ADRA1B: variants seen among roughly 807,000 people sequenced by gnomAD.
The protein encoded by ADRA1B is adrenoceptor alpha 1B, also known as alpha-1B adrenergic receptor.
A neutral mutation model predicts 17.9 loss-of-function variants in ADRA1B; 17 were observed. The ratio of observed to expected loss-of-function variants is 0.95; its 90% CI spans 0.65 to 1.42. The LOEUF (loss-of-function observed/expected upper bound fraction) is 1.42, where lower values mean the gene tolerates loss of function less well. ADRA1B is among the 40% of genes most tolerant of loss of function. ADRA1B has a pLI of 0.00. For missense variants in ADRA1B, 681 were observed against 722.1 expected, an observed-to-expected ratio of 0.94 and a Z score of 0.65; for synonymous variants, 366 against 327.6, an observed-to-expected ratio of 1.12 and a Z score of -1.27.
At chr5:159,899,283 G>GAAGGAAGGAAGGAAGGAAGA (rs1561585320) in intron 1 of ADRA1B, among the ~76,000 whole-genome samples, 7 of 145,418 alleles carry the variant, frequency 4.8e-5, no homozygotes, top group African/African-American at 1.8e-4. Context: ...AGGAAGGAAG[G>GAAGGAAGGAAGGAAGGAAGA]AAGGAAGGAA....
chr5:159,904,407 T>C (rs768499563), intron 1 of ADRA1B, among the ~76,000 whole-genome samples: 2 of 152,240 alleles, frequency 1.3e-5, no homozygotes, highest in Non-Finnish European at 2.9e-5. Flanking sequence ...GGAGACCTGC[T>C]TTAATTCAAG....
At chr5:159,949,441 C>T (rs1755364138) in intron 1 of ADRA1B, among the ~76,000 whole-genome samples, 1 of 152,198 alleles carries the variant, frequency 6.6e-6, no homozygotes, top group Non-Finnish European at 1.5e-5. Flanking sequence ...AGAAAATGTA[C>T]ATATGCACAT....
chr5:159,951,185 T>C, intron 1 of ADRA1B: 3 of 764,806 alleles, frequency 3.9e-6, no homozygotes, highest in Non-Finnish European at 7.1e-6. Flanking sequence ...CCCAGCCTTC[T>C]CCATGGTGAA....
intron 1 of ADRA1B, among the ~76,000 whole-genome samples, chr5:159,903,889 C>T (rs1754128752): frequency 6.6e-6 from 1 of 152,062 alleles, no homozygotes; most frequent in South Asian, 2.1e-4. Flanking sequence ...GCACAGCTTC[C>T]GTTACAAAGG....
intron 1 of ADRA1B, among the ~76,000 whole-genome samples, chr5:159,895,079 A>C (rs1389203649): frequency 2.0e-5 from 3 of 152,248 alleles, no homozygotes; most frequent in Non-Finnish European, 2.9e-5. Flanking sequence ...AAAAATACAC[A>C]GCTCTTCAAT....
chr5:159,963,890 T>C (rs900243313), intron 1 of ADRA1B, among the ~76,000 whole-genome samples: 5 of 152,334 alleles, frequency 3.3e-5, no homozygotes, highest in African/African-American at 9.6e-5. Context: ...TCTCAGTCCC[T>C]CTAAATCGCC....
intron 1 of ADRA1B, among the ~76,000 whole-genome samples, chr5:159,896,798 A>C (rs748448324): frequency 2.0e-5 from 3 of 152,186 alleles, no homozygotes; most frequent in Non-Finnish European, 4.4e-5. Flanking sequence ...GGGGGAAAAC[A>C]AATCCTATTT....
chr5:159,917,692 G>T lies in ADRA1B; in HGVS notation c.787G>T (p.Asp263Tyr). The part of the protein sequence containing the change: ...LRIHSKNFHE[D>Y]TLSSTKAKGH... The stretch of plus-strand genomic sequence containing the variant: ...GATCCATTCCAAGAACTTTCACGAG[G>T]ACACCCTTAGCAGTACCAAGGCCAA... Residue 263 changes from aspartate (D) to tyrosine (Y), a missense_variant, in exon 1 of 2, where the codon GAC becomes TAC. Around this residue, in one of 3 missense-constraint regions of ADRA1B, gnomAD observed 424 missense variants for 480.2 expected, o/e 0.88. Coordinates refer to ENST00000306675, the MANE Select transcript of ADRA1B (RefSeq NM_000679.4). 1.2e-6 allele frequency: 2 copies of T among 1,613,972 alleles called. No individual in the cohort carries two copies. Among genetic ancestry groups the T allele is most frequent in the Non-Finnish European group, 1.7e-6 (2 of 1,179,998 alleles).
chr5:159,875,979 A>G (rs1753797858), intron 1 of ADRA1B, among the ~76,000 whole-genome samples: 1 of 152,202 alleles, frequency 6.6e-6, no homozygotes, highest in Non-Finnish European at 1.5e-5. Context: ...ACTTGAGGTC[A>G]GGAGTTCGTG....
intron 1 of ADRA1B, among the ~76,000 whole-genome samples, chr5:159,879,937 A>G (rs1207449406): frequency 6.6e-6 from 1 of 152,172 alleles, no homozygotes. Flanking sequence ...AGGAGGTTGC[A>G]GTGAACTGAG....
intron 1 of ADRA1B, among the ~76,000 whole-genome samples, chr5:159,962,288 G>A (rs1323913887): frequency 6.6e-6 from 1 of 152,154 alleles, no homozygotes; most frequent in African/African-American, 2.4e-5. Flanking sequence ...GGCACATCAG[G>A]AACTAACGAG....
chr5:159,958,843 T>A (rs1755614001), intron 1 of ADRA1B, among the ~76,000 whole-genome samples: 2 of 152,216 alleles, frequency 1.3e-5, no homozygotes, highest in African/African-American at 4.8e-5. Context: ...GCTCAGTTTC[T>A]AAAAGTGTTC....
At chr5:159,918,553 C>T (rs1329359861) in intron 1 of ADRA1B, among the ~76,000 whole-genome samples, 1 of 152,220 alleles carries the variant, frequency 6.6e-6, no homozygotes, top group Non-Finnish European at 1.5e-5. Context: ...ATGTTTCTAA[C>T]TCTAGTGATT....
At chr5:159,968,652 C>T (rs1480912268) in intron 1 of ADRA1B, among the ~76,000 whole-genome samples, 2 of 152,258 alleles carry the variant, frequency 1.3e-5, no homozygotes, top group African/African-American at 4.8e-5. Flanking sequence ...CCTGTGTGTC[C>T]TCATGCAAAG....
chr5:159,906,122 TG>T (rs1437158689), intron 1 of ADRA1B, among the ~76,000 whole-genome samples: 1 of 152,200 alleles, frequency 6.6e-6, no homozygotes, highest in Non-Finnish European at 1.5e-5. Context: ...TACAAAGTGC[TG>T]GGATTACAGG....
At chr5:159,898,466 C>T (rs1275835276) in intron 1 of ADRA1B, among the ~76,000 whole-genome samples, 2 of 152,132 alleles carry the variant, frequency 1.3e-5, no homozygotes, top group Non-Finnish European at 2.9e-5. Context: ...CAATACTCAG[C>T]AGTTTATATC....
At chr5:159,947,518 G>T (rs938250141) in intron 1 of ADRA1B, among the ~76,000 whole-genome samples, 4 of 151,902 alleles carry the variant, frequency 2.6e-5, no homozygotes, top group African/African-American at 9.7e-5. Flanking sequence ...CATTTGATCT[G>T]CATGAAATAG....
chr5:159,947,845 A>C, intron 1 of ADRA1B: 3 of 985,460 alleles, frequency 3.0e-6, no homozygotes, highest in Non-Finnish European at 3.6e-6. Context: ...TTATTGAGAA[A>C]GGAGCCAGCA....
chr5:159,986,130 T>G, the ADRA1B span, among the ~76,000 whole-genome samples: 8 of 152,296 alleles, frequency 5.3e-5, no homozygotes, highest in African/African-American at 1.7e-4. Flanking sequence ...TAAGAGACAA[T>G]GCTCACCCAG....
Sources: allele counts gnomAD v4.1 joint callset (sites outside exome capture counted in the v4.1 genomes callset), GRCh38; gene constraint gnomAD v4.1.1; regional missense constraint gnomAD v4.1.1; transcripts MANE v1.5; gene names NCBI Gene and HGNC (gene_info 2026-07-23, HGNC 2026-07-21).